Variants in SRP54 observed in about 807,000 individuals in gnomAD.
SRP54 encodes the protein signal recognition particle subunit SRP54.
A neutral mutation model predicts 64.8 loss-of-function variants in SRP54; 10 were observed. The observed-to-expected ratio is 0.15, with a 90% CI of 0.10 to 0.26. The LOEUF is 0.26. Among genes scored for constraint, SRP54 ranks in the 10% least tolerant of loss-of-function variants. The pLI is 1.00. For missense variants in SRP54, 325 were observed against 613.7 expected (o/e 0.53, Z 4.97); for synonymous variants, 193 against 185.6 (o/e 1.04, Z -0.32).
At chr14:34,996,079 AAG>A (rs1555353310) in intron 1 of SRP54, among the ~76,000 whole-genome samples, 7 of 151,904 alleles carry the variant, frequency 4.6e-5, no homozygotes, top group Non-Finnish European at 8.8e-5. Flanking sequence ...AAAAAAAAAA[AAG>A]AGTAAAATAA....
At chr14:34,999,412 A>G (rs1156364059) in intron 2 of SRP54, 146 bp from the exon 3 acceptor site, 1 of 524,136 alleles carries the variant, frequency 1.9e-6, no homozygotes, top group Non-Finnish European at 3.4e-6. Flanking sequence ...TAAACATTTA[A>G]TAAAATTATC....
chr14:35,024,697 A>G (rs2044593310), intron 14 of SRP54, among the ~76,000 whole-genome samples: 1 of 149,794 alleles, frequency 6.7e-6, no homozygotes, highest in Non-Finnish European at 1.5e-5. Context: ...AATCAAGTTA[A>G]CCTTCTCCAT....
intron 15 of SRP54, among the ~76,000 whole-genome samples, chr14:35,028,756 T>G (rs1271226342): frequency 2.0e-5 from 3 of 152,166 alleles, no homozygotes; most frequent in Non-Finnish European, 4.4e-5. Flanking sequence ...TTTGGATTTA[T>G]AAGAAAAAAA....
rs1430308484 is a variant in SRP54 at position 34,999,549 on chromosome 14, T to G, written c.79-9T>G. On this transcript the variant is annotated splice_polypyrimidine_tract_variant and intron_variant, in intron 2 of 15. Coordinates refer to ENST00000216774, the MANE Select transcript of SRP54 (RefSeq NM_003136.4). ...GTGCTTTAAATTTCATTTATTTCTT[T>G]ATTTTCAGGTATTGAATGCTATGCT... The G allele has an allele frequency of 6.3e-7, 1 of 1,597,272 alleles. No individual in the cohort carries two copies. Among genetic ancestry groups the G allele is most frequent in the Admixed American group, 1.7e-5 (1 of 57,564 alleles).
At position 34,992,123 on chromosome 14, in the gene SRP54, G is replaced by A. The variant is rs527861840; in HGVS notation, c.-33-4554G>A. 4.0e-5 allele frequency among the ~76,000 whole-genome samples: 6 copies of A among 151,326 alleles called. No homozygotes were observed. In the East Asian group the frequency reaches 9.6e-4, roughly 24 times the overall value. ...AATTTTTGTGTTTTTAGTAGAGATG[G>A]GGTTTCGCCATGTTGACCAGGCTGG... is the stretch of plus-strand genomic sequence containing the variant. On this transcript the variant is annotated intron_variant, in intron 1 of 15. Transcript: ENST00000216774.
At position 35,008,092 on chromosome 14, in the gene SRP54, A is replaced by T. The variant is rs545272646; in HGVS notation, c.361-535A>T. ...TTCAGGTTCCCACCCAGCATACTAT[A>T]GATCTTCATTTTGTGTATCCTTATG... On this transcript the variant is annotated intron_variant, in intron 5 of 15. Coordinates refer to ENST00000216774, the MANE Select transcript of SRP54 (RefSeq NM_003136.4). Among the ~76,000 whole-genome samples, 4 of 152,280 alleles carry T rather than the reference A, an allele frequency of 2.6e-5. No homozygotes were observed. The East Asian group carries it at 7.7e-4, about 29-fold the overall frequency.
chr14:35,018,293 C>G (rs1317057029), intron 11 of SRP54, among the ~76,000 whole-genome samples: 2 of 152,156 alleles, frequency 1.3e-5, no homozygotes, highest in African/African-American at 4.8e-5. Flanking sequence ...AAACTCCAAA[C>G]AATCTTCTAA....
chr14:34,988,998 T>C (rs2043946339), intron 1 of SRP54, among the ~76,000 whole-genome samples: 1 of 152,184 alleles, frequency 6.6e-6, no homozygotes, highest in South Asian at 2.1e-4. Context: ...TATACTGTAT[T>C]GTTTAGGGAA....
In SRP54 at chr14:34,987,244, A is replaced by ATATAT. The variant is rs200304562; in HGVS notation, c.-34+4029_-34+4030insTATAT. On this transcript the variant is annotated intron_variant, in intron 1 of 15. Coordinates refer to ENST00000216774, the MANE Select transcript of SRP54 (RefSeq NM_003136.4). ...ACACTACATCTGAAAAAAAAAAAAA[A>ATATAT]AAATATATATATATATGTGTGTGTG... Among the ~76,000 whole-genome samples the ATATAT allele has an allele frequency of 5.9e-3, 634 of 106,636 alleles. 7 individuals are homozygous for ATATAT. Among genetic ancestry groups the ATATAT allele is most frequent in the African/African-American group, 0.021 (534 of 25,430 alleles). The allele number at this position is 106,636 out of a possible 152,430, so 70.0% of individuals were successfully genotyped here. A position where few individuals can be genotyped will look rare whatever the true frequency, so the allele number is the denominator to read the frequency against.
intron 1 of SRP54, among the ~76,000 whole-genome samples, chr14:34,987,484 C>CT (rs2043917920): frequency 6.6e-6 from 1 of 151,930 alleles, no homozygotes; most frequent in Non-Finnish European, 1.5e-5. Flanking sequence ...TATTAATCCA[C>CT]TTTCTGTCTC....
At chr14:35,009,715 G>T (rs28656938) in intron 7 of SRP54, among the ~76,000 whole-genome samples, 55,914 of 151,728 alleles carry the variant, frequency 0.37, 10,917 homozygotes, top group East Asian at 0.69. Context: ...TTATATTGGC[G>T]GTATTTTTAA....
In SRP54 at chr14:35,008,342, G is replaced by A. The variant is rs1367790819; in HGVS notation, c.361-285G>A. Among the ~76,000 whole-genome samples the A allele has an allele frequency of 3.9e-5, 6 of 152,196 alleles. No homozygotes were observed. In the East Asian group the frequency reaches 7.7e-4, roughly 20 times the overall value. The stretch of plus-strand genomic sequence containing the variant: ...AAGAGAAAAGGATGATTTTTAGATC[G>A]TTTTGTTGTTGTTTGTTTTTAATTA... On this transcript the variant is annotated intron_variant, in intron 5 of 15. Transcript: ENST00000216774.
At chr14:35,008,372 T>A (rs535331324) in intron 5 of SRP54, among the ~76,000 whole-genome samples, 23 of 152,334 alleles carry the variant, frequency 1.5e-4, no homozygotes, top group African/African-American at 5.5e-4. Context: ...TAATTAACAT[T>A]AATAGTAGTT....
chr14:34,997,513 G>A (rs1479186043), intron 2 of SRP54, among the ~76,000 whole-genome samples: 2 of 152,016 alleles, frequency 1.3e-5, no homozygotes, highest in Non-Finnish European at 2.9e-5. Context: ...ATGTAAATTG[G>A]GGCAACTAAA....
At chr14:34,997,192 A>G (rs2044084935) in intron 2 of SRP54, among the ~76,000 whole-genome samples, 1 of 152,030 alleles carries the variant, frequency 6.6e-6, no homozygotes, top group Non-Finnish European at 1.5e-5. Flanking sequence ...TTTATTTAGC[A>G]TTTTTATAAA....
At chr14:34,997,621 C>T (rs185785642) in intron 2 of SRP54, among the ~76,000 whole-genome samples, 111 of 152,254 alleles carry the variant, frequency 7.3e-4, no homozygotes, top group African/African-American at 2.5e-3. Flanking sequence ...GGTTAGAAAA[C>T]TTACGTAGAA....
intron 1 of SRP54, among the ~76,000 whole-genome samples, chr14:34,992,629 C>G (rs1290518490): frequency 6.6e-6 from 1 of 151,904 alleles, no homozygotes; most frequent in Non-Finnish European, 1.5e-5. Flanking sequence ...TAGACACAGA[C>G]CATTCCAAAA....
chr14:35,012,178 T>G (rs1018079149), intron 8 of SRP54, among the ~76,000 whole-genome samples: 1 of 147,438 alleles, frequency 6.8e-6, no homozygotes, highest in Admixed American at 6.9e-5. Context: ...ATCACGCCAT[T>G]GCACTCCAGC....
intron 1 of SRP54, among the ~76,000 whole-genome samples, chr14:34,986,601 T>C (rs1213194589): frequency 6.6e-6 from 1 of 152,250 alleles, no homozygotes; most frequent in Non-Finnish European, 1.5e-5. Flanking sequence ...TAAAAATTGC[T>C]GGTCGTGGTG....
Sources: allele counts gnomAD v4.1 joint callset (sites outside exome capture counted in the v4.1 genomes callset), GRCh38; gene constraint gnomAD v4.1.1; transcripts MANE v1.5; gene names NCBI Gene and HGNC (gene_info 2026-07-23, HGNC 2026-07-21).